WASHC3: variants seen among roughly 807,000 people sequenced by gnomAD.
The protein encoded by WASHC3 is WASH complex subunit CCDC53.
Under a neutral mutation model 26.1 loss-of-function variants are expected in WASHC3, and 24 were observed. The observed-to-expected ratio is 0.92, with a 90% confidence interval of 0.66 to 1.29. The LOEUF is 1.29. Ranked by LOEUF, WASHC3 falls within the 50% of genes most tolerant of loss-of-function variation. The probability of loss-of-function intolerance (pLI) is 0.00; values close to 1 mark genes in which losing one functional copy is unlikely to be tolerated. For synonymous variants in WASHC3, 77 were observed against 75.7 expected (o/e 1.02, Z -0.09); for missense variants, 214 against 229.6 (o/e 0.93, Z 0.44).
At chr12:102,050,618 C>T (rs111866073) in intron 2 of WASHC3, 222 of 449,454 alleles carry the variant, frequency 4.9e-4, no homozygotes, top group African/African-American at 3.9e-3. Flanking sequence ...ACTCCAGCCT[C>T]GGTGATACAG....
chr12:102,040,935 T>C (rs1348725583), intron 4 of WASHC3, among the ~76,000 whole-genome samples: 1 of 152,008 alleles, frequency 6.6e-6, no homozygotes, highest in East Asian at 1.9e-4. Context: ...TCAATATCTT[T>C]ATATCTTCAT....
intron 5 of WASHC3, among the ~76,000 whole-genome samples, chr12:102,036,996 G>C (rs1877690452): frequency 6.6e-6 from 1 of 152,056 alleles, no homozygotes; most frequent in Non-Finnish European, 1.5e-5. Flanking sequence ...ATGATATTAA[G>C]ATATAGTTTA....
chr12:102,031,440 G>A (rs1053843151), intron 5 of WASHC3, among the ~76,000 whole-genome samples: 1 of 152,168 alleles, frequency 6.6e-6, no homozygotes, highest in Non-Finnish European at 1.5e-5. Flanking sequence ...TTACTATTTT[G>A]CTAAGCTTTG....
At chr12:102,044,357 G>A (rs1214812729) in intron 3 of WASHC3, 145 bp from the exon 4 acceptor site, 7 of 380,482 alleles carry the variant, frequency 1.8e-5, no homozygotes, top group African/African-American at 1.0e-4. Context: ...AACTAAAAGT[G>A]AAAGACGGTC....
At chr12:102,050,500 G>A (rs1010473596) in intron 2 of WASHC3, 10 of 423,186 alleles carry the variant, frequency 2.4e-5, no homozygotes, top group African/African-American at 1.2e-4. Context: ...ACAATTAGCC[G>A]GGTGTGGTGA....
chr12:102,054,042 G>A (rs906836991), intron 2 of WASHC3, among the ~76,000 whole-genome samples: 8 of 152,220 alleles, frequency 5.3e-5, no homozygotes, highest in Middle Eastern at 3.4e-3. Flanking sequence ...CATGTTTTAT[G>A]TCAGCCTCAT....
At chr12:102,060,125 C>T (rs1878742568) in intron 2 of WASHC3, among the ~76,000 whole-genome samples, 1 of 152,202 alleles carries the variant, frequency 6.6e-6, no homozygotes, top group Non-Finnish European at 1.5e-5. Context: ...ATTGCTAAGG[C>T]TATACCTTAC....
At chr12:102,019,371 C>A (rs893248193) in intron 6 of WASHC3, 6 of 391,982 alleles carry the variant, frequency 1.5e-5, no homozygotes, top group African/African-American at 6.4e-5. Context: ...CTTACTTCAC[C>A]CTACAAGTTG....
At chr12:102,016,273 T>A (rs753136071) in intron 6 of WASHC3, among the ~76,000 whole-genome samples, 4 of 152,002 alleles carry the variant, frequency 2.6e-5, no homozygotes. Flanking sequence ...GGTGCAATCT[T>A]GGCTCACTGC....
intron 2 of WASHC3, among the ~76,000 whole-genome samples, 176 bp downstream of exon 2, chr12:102,061,072 G>C (rs1011637999): frequency 7.2e-5 from 11 of 152,070 alleles, no homozygotes; most frequent in Non-Finnish European, 1.5e-4. Context: ...TAGAGGAGGG[G>C]TGCAGGATTG....
chr12:102,032,444 T>G (rs1877477886), intron 5 of WASHC3, among the ~76,000 whole-genome samples: 1 of 152,196 alleles, frequency 6.6e-6, no homozygotes, highest in African/African-American at 2.4e-5. Flanking sequence ...ATGTACACAA[T>G]TCCAGTTAAG....
chr12:102,035,333 C>G lies in WASHC3; in HGVS notation c.435+4535G>C, dbSNP rs75369901. On this transcript the variant is annotated intron_variant, in intron 5 of 6. Transcript: ENST00000240079. ...AAAATAAATGATAATGAAGAAGGGA[C>G]AGGAATTCTGGTAGTGATTATGCCA... Among the ~76,000 whole-genome samples the G allele has an allele frequency of 7.2e-4, 109 of 152,202 alleles. 1 individual carries two copies. The East Asian group carries it at 7.9e-3, about 11-fold the overall frequency.
intron 5 of WASHC3, among the ~76,000 whole-genome samples, chr12:102,030,312 A>AATT (rs1877382818): frequency 6.6e-6 from 1 of 151,508 alleles, no homozygotes; most frequent in Non-Finnish European, 1.5e-5. Context: ...AAAAAAAAAA[A>AATT]ATTATTGTAT....
intron 6 of WASHC3, among the ~76,000 whole-genome samples, chr12:102,020,076 G>A (rs73183988): frequency 1.3e-5 from 2 of 152,118 alleles, no homozygotes; most frequent in African/African-American, 2.4e-5. Context: ...AGATGGATTC[G>A]AGGAAAGGCA....
intron 4 of WASHC3, among the ~76,000 whole-genome samples, chr12:102,043,432 C>T (rs536713388): frequency 6.6e-6 from 1 of 152,048 alleles, no homozygotes; most frequent in East Asian, 1.9e-4. Flanking sequence ...CCACACCTGG[C>T]TAATTTTTGT....
At chr12:102,052,816 C>CA (rs2136686371) in intron 2 of WASHC3, among the ~76,000 whole-genome samples, 1 of 151,964 alleles carries the variant, frequency 6.6e-6, no homozygotes, top group South Asian at 2.1e-4. Context: ...CCTGTGGACT[C>CA]AAGTTCCAGG....
At chr12:102,040,028 T>C (rs1408889516) in intron 4 of WASHC3, 50 bp from the exon 5 acceptor site, 1 of 803,198 alleles carries the variant, frequency 1.2e-6, no homozygotes, top group Non-Finnish European at 2.0e-6. Context: ...AAAAGGGGTC[T>C]ATCATGTTAC....
In WASHC3 at chr12:102,046,078, T is replaced by TGA; in HGVS notation, c.191_192insTC (p.Thr65GlnfsTer6). The TGA allele has an allele frequency of 6.3e-7, 1 of 1,596,486 alleles. No homozygotes were observed. The highest frequency in any genetic ancestry group is 8.6e-7 in the Non-Finnish European group (1 of 1,168,580). ...CCTTTGCATCTAAAATATTGAGAGTTGTTTCAATTTGTTGGATACGAAGTG... is the reference window on the plus strand; with the variant it reads ...CCTTTGCATCTAAAATATTGAGAGTTGAGTTTCAATTTGTTGGATACGAAGTG... On this transcript the variant is annotated frameshift_variant, in exon 3 of 7. Transcript: ENST00000240079. LOFTEE classifies it high-confidence loss of function.
intron 2 of WASHC3, among the ~76,000 whole-genome samples, chr12:102,051,476 C>T (rs770518006): frequency 6.6e-6 from 1 of 152,326 alleles, no homozygotes; most frequent in East Asian, 1.9e-4. Context: ...ATCAAACAGA[C>T]ATAGCATAGC....
Sources: allele counts gnomAD v4.1 joint callset (sites outside exome capture counted in the v4.1 genomes callset), GRCh38; gene constraint gnomAD v4.1.1; transcripts MANE v1.5; gene names NCBI Gene and HGNC (gene_info 2026-07-23, HGNC 2026-07-21).